Variants in ZNF418 observed in about 807,000 individuals in gnomAD.
ZNF418 encodes the protein zinc finger protein 418.
ZNF418 carries 32 observed loss-of-function variants against 32.0 expected under a neutral mutation model. The ratio of observed to expected loss-of-function variants is 1.00; its 90% CI spans 0.75 to 1.34. The LOEUF (loss-of-function observed/expected upper bound fraction) is 1.34. ZNF418 is among the 40% of genes most tolerant of loss of function. ZNF418 has a pLI of 0.00. For synonymous variants in ZNF418, 276 were observed against 270.7 expected (o/e 1.02, Z -0.19); for missense variants, 804 against 812.5 (o/e 0.99, Z 0.13).
intron 2 of ZNF418, chr19:57,932,511 C>A (rs1173313349): frequency 6.5e-7 from 1 of 1,535,216 alleles, no homozygotes; most frequent in African/African-American, 1.4e-5. Context: ...CACATCCCCA[C>A]AGAACCAGGT....
chr19:57,928,157 G>A, intron 3 of ZNF418, 110 bp from the exon 4 acceptor site: 1 of 964,082 alleles, frequency 1.0e-6, no homozygotes, highest in Non-Finnish European at 1.5e-6. Context: ...AATATTTGCA[G>A]GAACAGAAAG....
chr19:57,931,083 C>G (rs1019403006), intron 2 of ZNF418, among the ~76,000 whole-genome samples: 1 of 152,048 alleles, frequency 6.6e-6, no homozygotes, highest in African/African-American at 2.4e-5. Context: ...CTATGCTGTA[C>G]TCTTAACATA....
At chr19:57,933,718 C>T (rs2072573401) in intron 2 of ZNF418, 99 bp downstream of exon 2, 1 of 1,497,538 alleles carries the variant, frequency 6.7e-7, no homozygotes, top group South Asian at 1.1e-5. Flanking sequence ...GAGACTCCCG[C>T]TCAAAAAAAA....
intron 2 of ZNF418, 33 bp downstream of exon 2, chr19:57,933,784 C>T (rs770395302): frequency 5.0e-6 from 8 of 1,613,392 alleles, no homozygotes; most frequent in Non-Finnish European, 6.8e-6. Flanking sequence ...AGCCACAGCT[C>T]CTTACTCATT....
rs774731849 is a variant in ZNF418, at chr19:57,926,390, T to C, written c.1791A>G (p.Gly597=). ...GERPYECREC[G]KTFTRRSAHF... ...GCGCAGACCTTCGAGTAAATGTTTT[T>C]CCACATTCCCTGCATTCATAAGGCC... The change falls in exon 4 of 6, where the codon GGA becomes GGG. Residue 597 remains glycine, a synonymous_variant. Coordinates refer to ENST00000396147, the MANE Select transcript of ZNF418 (RefSeq NM_133460.3). The C allele has an allele frequency of 1.6e-5, 25 of 1,612,870 alleles. No individual in the cohort carries two copies. Among genetic ancestry groups the C allele is most frequent in the African/African-American group, 9.3e-5 (7 of 74,892 alleles).
Position 57,926,365 on chromosome 19 carries a change from G to C in ZNF418, c.1816C>G (p.His606Asp). 6.2e-7 allele frequency: 1 copy of C among 1,612,566 alleles called. No homozygotes were observed. Among genetic ancestry groups the C allele is most frequent in the East Asian group, 2.2e-5 (1 of 44,866 alleles). The change falls in exon 4 of 6, where the codon CAT (histidine) becomes GAT (aspartate). Residue 606 changes from histidine to aspartate, a missense_variant. Physicochemically the swap from His to Asp is moderately conservative, Grantham distance 81. Transcript: ENST00000396147. ...CGKTFTRRSA[H>D]FKHQRLHTRG... ...GTATGAAGTCTCTGATGTTTAAAAT[G>C]CGCAGACCTTCGAGTAAATGTTTTT...
Position 57,925,883 on chromosome 19 carries a change from T to A in ZNF418, c.*267A>T, listed in dbSNP as rs2072196472. 2.4e-6 allele frequency: 1 copy of A among 421,692 alleles called. No individual in the cohort carries two copies. The highest frequency in any genetic ancestry group is 2.0e-5 in the African/African-American group (1 of 50,836). 26.1% of individuals were successfully genotyped at this position (421,692 alleles called of 1,614,324 possible). On this transcript the variant is annotated 3_prime_UTR_variant, in exon 4 of 6. Coordinates refer to ENST00000396147, the MANE Select transcript of ZNF418 (RefSeq NM_133460.3). ...AAGGCATCTCCTCCAGTGTTATGTT[T>A]TACAAGAAATAATATTTCCTGTACG... is the stretch of plus-strand genomic sequence containing the variant.
At chr19:57,931,653 G>A (rs747992477) in intron 2 of ZNF418, among the ~76,000 whole-genome samples, 3 of 152,200 alleles carry the variant, frequency 2.0e-5, no homozygotes, top group African/African-American at 7.2e-5. Flanking sequence ...CTGGAGGGGA[G>A]TAGTGTGATC....
At position 57,926,228 on chromosome 19, in the gene ZNF418, T is replaced by G. The variant is rs772854080; in HGVS notation, c.1953A>C (p.Glu651Asp). 1.2e-6 allele frequency: 2 copies of G among 1,614,162 alleles called. No individual in the cohort carries two copies. Among genetic ancestry groups the G allele is most frequent in the Non-Finnish European group, 8.5e-7 (1 of 1,179,964 alleles). Residue 651 changes from glutamate (E) to aspartate (D), a missense_variant, in exon 4 of 6, where the codon GAA (glutamate) becomes GAC (aspartate). Around this residue, in one of 3 missense-constraint regions of ZNF418, gnomAD observed 475 missense variants for 458.6 expected, o/e 1.04. Transcript: ENST00000396147. ...HTGERPYECS[E>D]CGKSFHRSSS... ...AGCTTCGATGAAATGATTTTCCACA[T>G]TCACTGCACTCATAAGGCCTTTCTC...
rs200856326 is a variant in ZNF418 at position 57,926,908 on chromosome 19, G to C, written c.1273C>G (p.Pro425Ala). 2.2e-5 allele frequency: 35 copies of C among 1,614,076 alleles called. No homozygotes were observed. Among genetic ancestry groups the C allele is most frequent in the South Asian group, 6.6e-5 (6 of 91,070 alleles). The change falls in exon 4 of 6, where the codon CCT becomes GCT. Residue 425 changes from proline to alanine, a missense_variant. Coordinates refer to ENST00000396147, the MANE Select transcript of ZNF418 (RefSeq NM_133460.3). ...TTCCCACATTCTCCACACTCGTAAG[G>C]TCTTTCTCCAGTGTGACCTCGCTGA... The part of the protein sequence containing the change: ...NHQRGHTGER[P>A]YECGECGKSF...
At chr19:57,932,595 C>G in intron 2 of ZNF418, 1 of 1,518,938 alleles carries the variant, frequency 6.6e-7, no homozygotes, top group Non-Finnish European at 8.8e-7. Context: ...GACGACTTTC[C>G]TCTGTCCACC....
At chr19:57,934,056 C>A (rs1442281735) in intron 1 of ZNF418, 154 bp from the exon 2 acceptor site, 2 of 1,446,354 alleles carry the variant, frequency 1.4e-6, no homozygotes, top group Non-Finnish European at 1.8e-6. Context: ...GGGAATACCT[C>A]CATACATCCT....
At chr19:57,923,381 T>TA (rs1453773089) in intron 4 of ZNF418, 92 bp from the exon 5 acceptor site, 8 of 151,154 alleles carry the variant, frequency 5.3e-5, no homozygotes, top group African/African-American at 1.9e-4. Context: ...GTGACACACT[T>TA]ACCTAACCCA....
At position 57,926,318 on chromosome 19, in the gene ZNF418, G is replaced by A. The variant is rs932424577; in HGVS notation, c.1863C>T (p.Cys621=). The A allele has an allele frequency of 1.2e-6, 2 of 1,608,918 alleles. 1 individual carries two copies. Among genetic ancestry groups the A allele is most frequent in the South Asian group, 2.2e-5 (2 of 90,952 alleles). ...RLHTRGKPYE[C]SECGKSFAET... ...CAGCAAAGGATTTCCCACATTCGCT[G>A]CACTCGTAAGGCTTTCCTCGAGTAT... The change falls in exon 4 of 6, where the codon TGC becomes TGT. Residue 621 remains cysteine, a synonymous_variant. Transcript: ENST00000396147.
At position 57,935,373 on chromosome 19, in the gene ZNF418, T is replaced by C. The variant is rs570611981; in HGVS notation, c.-293A>G. The C allele has an allele frequency of 1.6e-4, 49 of 298,026 alleles. No homozygotes were observed. The highest frequency in any genetic ancestry group is 1.1e-3 in the Admixed American group (19 of 16,704). 18.5% of individuals were successfully genotyped at this position (298,026 alleles called of 1,614,324 possible). On this transcript the variant is annotated 5_prime_UTR_variant, in exon 1 of 6. Transcript: ENST00000396147. The stretch of plus-strand genomic sequence containing the variant: ...GAAACACACCCAACATTAACCAAAA[T>C]GGTCGCTACCAGAGAACGCTGAGAA...
At chr19:57,932,771 T>C in intron 2 of ZNF418, 2 of 516,606 alleles carry the variant, frequency 3.9e-6, no homozygotes, top group Non-Finnish European at 6.2e-6. Context: ...CCAGGCCGAA[T>C]GAAAACCCCC....
chr19:57,933,523 C>T (rs544190091), intron 2 of ZNF418, among the ~76,000 whole-genome samples: 1 of 152,296 alleles, frequency 6.6e-6, no homozygotes, highest in African/African-American at 2.4e-5. Context: ...GAGATTGAGA[C>T]TATCCTGGCT....
At position 57,930,348 on chromosome 19, in the gene ZNF418, A is replaced by T; in HGVS notation, c.133+80T>A. ...GCTGTGCCCATGGTCCTGACATGATAAAAGACAGTCTTGCCAATGGGAGAA... is the reference window on the plus strand; with the variant it reads ...GCTGTGCCCATGGTCCTGACATGATTAAAGACAGTCTTGCCAATGGGAGAA... On this transcript the variant is annotated intron_variant, in intron 3 of 5. Coordinates refer to ENST00000396147, the MANE Select transcript of ZNF418 (RefSeq NM_133460.3). 1.9e-6 allele frequency: 3 copies of T among 1,602,018 alleles called. No individual in the cohort carries two copies. The South Asian group carries it at 3.3e-5, about 18-fold the overall frequency.
intron 1 of ZNF418, 82 bp downstream of exon 1, chr19:57,935,078 AC>A: frequency 7.6e-7 from 1 of 1,321,560 alleles, no homozygotes; most frequent in Non-Finnish European, 9.8e-7. Flanking sequence ...CGGGCTGCAG[AC>A]CTGTGAACAG....
Sources: gnomAD v4.1 joint callset for allele counts (sites outside exome capture counted in the v4.1 genomes callset) on GRCh38, gnomAD v4.1.1 for gene constraint, gnomAD v4.1.1 regional missense constraint, MANE v1.5 for transcripts, NCBI Gene and HGNC (gene_info 2026-07-23, HGNC 2026-07-21) for gene names.